Variants in DCC observed in about 807,000 individuals in gnomAD.
DCC encodes netrin receptor DCC.
Under a neutral mutation model 172.5 loss-of-function variants are expected in DCC, and 58 were observed. The observed-to-expected ratio is 0.34, with a 90% CI of 0.27 to 0.42. DCC has a LOEUF of 0.42. Ranked by LOEUF, DCC falls within the 10% of genes least tolerant of loss-of-function variation. The pLI, the probability that DCC is intolerant of heterozygous loss-of-function variation, is 1.00. For synonymous variants in DCC, 709 were observed against 644.5 expected, an observed-to-expected ratio of 1.10 and a Z score of -1.52; for missense variants, 1,740 against 1,791.0, an observed-to-expected ratio of 0.97 and a Z score of 0.51.
intron 1 of DCC, among the ~76,000 whole-genome samples, chr18:52,458,661 G>A (rs549058517): frequency 8.5e-5 from 13 of 152,164 alleles, no homozygotes; most frequent in East Asian, 3.9e-4. Flanking sequence ...TAAAGAATAC[G>A]TGCTTCAATG....
intron 2 of DCC, among the ~76,000 whole-genome samples, chr18:52,890,387 A>T (rs1459374684): frequency 6.6e-6 from 1 of 152,238 alleles, no homozygotes; most frequent in Admixed American, 6.5e-5. Context: ...ACTAGTGGGG[A>T]TAGAACATAT....
chr18:52,772,555 T>C (rs1466222015), intron 2 of DCC, among the ~76,000 whole-genome samples: 1 of 152,120 alleles, frequency 6.6e-6, no homozygotes, highest in African/African-American at 2.4e-5. Context: ...AATAATACTG[T>C]GCAACAAAGG....
chr18:53,155,527 C>T (rs564472607), intron 7 of DCC, among the ~76,000 whole-genome samples: 1 of 152,298 alleles, frequency 6.6e-6, no homozygotes, highest in South Asian at 2.1e-4. Flanking sequence ...TATACATGCA[C>T]ATATGTAATA....
intron 2 of DCC, among the ~76,000 whole-genome samples, chr18:52,771,055 GCTTTT>G (rs1169243078): frequency 5.3e-5 from 8 of 152,076 alleles, no homozygotes; most frequent in Non-Finnish European, 1.0e-4. Context: ...GAAATAATCC[GCTTTT>G]CTTTTCAGAA....
chr18:53,478,507 T>C (rs929888828), intron 25 of DCC, among the ~76,000 whole-genome samples: 4 of 152,102 alleles, frequency 2.6e-5, no homozygotes, highest in Non-Finnish European at 4.4e-5. Flanking sequence ...TTGGGCAGTA[T>C]CTTGAATTTT....
At chr18:52,618,820 A>G (rs2144855398) in intron 1 of DCC, among the ~76,000 whole-genome samples, 1 of 152,358 alleles carries the variant, frequency 6.6e-6, no homozygotes, top group South Asian at 2.1e-4. Flanking sequence ...CTTTGGGTCA[A>G]CAAATTTCTT....
intron 25 of DCC, among the ~76,000 whole-genome samples, chr18:53,486,094 A>C (rs2045896491): frequency 1.3e-5 from 2 of 152,080 alleles, no homozygotes; most frequent in Admixed American, 1.3e-4. Flanking sequence ...TATATATTAT[A>C]ATTGAATAGC....
chr18:52,428,948 G>A (rs1243356049), intron 1 of DCC, among the ~76,000 whole-genome samples: 1 of 151,960 alleles, frequency 6.6e-6, no homozygotes, highest in Non-Finnish European at 1.5e-5. Context: ...AACTTCTCAT[G>A]TTGCAGAACA....
In DCC at chr18:52,555,375, A is replaced by G. The variant is rs887603641; in HGVS notation, c.92-196679A>G. On this transcript the variant is annotated intron_variant, in intron 1 of 28. Transcript: ENST00000442544. ...ATGTTGAGTTCTAATTCAATTTGCTATGTATTAATGATTTGAAGAATGAAT... is the reference window on the plus strand; with the variant it reads ...ATGTTGAGTTCTAATTCAATTTGCTGTGTATTAATGATTTGAAGAATGAAT... Among the ~76,000 whole-genome samples, 8 of 152,276 alleles carry G rather than the reference A, an allele frequency of 5.3e-5. No individual in the cohort carries two copies. In the South Asian group the frequency reaches 1.2e-3, roughly 24 times the overall value.
At chr18:52,723,735 G>T (rs1483181344) in intron 1 of DCC, among the ~76,000 whole-genome samples, 4 of 152,132 alleles carry the variant, frequency 2.6e-5, no homozygotes, top group Non-Finnish European at 5.9e-5. Flanking sequence ...GTAGACTAAT[G>T]CAAGGAAGTC....
intron 12 of DCC, among the ~76,000 whole-genome samples, chr18:53,277,932 C>T (rs901799313): frequency 6.6e-6 from 1 of 152,070 alleles, no homozygotes; most frequent in African/African-American, 2.4e-5. Context: ...TGGGTCTTGG[C>T]TGAAATGATT....
chr18:52,712,789 T>C (rs534479681), intron 1 of DCC, among the ~76,000 whole-genome samples: 2 of 152,322 alleles, frequency 1.3e-5, no homozygotes, highest in South Asian at 4.1e-4. Flanking sequence ...GCCTCAAACC[T>C]GGAAGCAAAT....
chr18:52,506,889 T>A (rs1343809154), intron 1 of DCC, among the ~76,000 whole-genome samples: 2 of 152,156 alleles, frequency 1.3e-5, no homozygotes, highest in Non-Finnish European at 2.9e-5. Context: ...TTACGGATAT[T>A]GTGTATCATT....
At chr18:52,962,023 A>T (rs2040850551) in intron 5 of DCC, among the ~76,000 whole-genome samples, 1 of 152,186 alleles carries the variant, frequency 6.6e-6, no homozygotes, top group Admixed American at 6.5e-5. Context: ...AACCCTAGGC[A>T]ATACCATTCA....
In DCC at chr18:52,561,594, G is replaced by T. The variant is rs140204061; in HGVS notation, c.92-190460G>T. On this transcript the variant is annotated intron_variant, in intron 1 of 28. Transcript: ENST00000442544. ...GAAAAAGCGAATGTGGAAACACTAA[G>T]TGAATGAAACTTTATTTTTTGAGCT... 4.6e-5 allele frequency among the ~76,000 whole-genome samples: 7 copies of T among 152,212 alleles called. No homozygotes were observed. The East Asian group carries it at 1.4e-3, about 29-fold the overall frequency.
chr18:52,765,788 C>G (rs2037240262), intron 2 of DCC, among the ~76,000 whole-genome samples: 1 of 152,170 alleles, frequency 6.6e-6, no homozygotes, highest in Admixed American at 6.5e-5. Flanking sequence ...GGCTTCAGAG[C>G]TAGTCAGCCT....
At chr18:53,164,063 A>G (rs551701032) in intron 8 of DCC, among the ~76,000 whole-genome samples, 16 of 152,206 alleles carry the variant, frequency 1.1e-4, no homozygotes, top group African/African-American at 2.9e-4. Context: ...GGCACTCTCA[A>G]TCCCTTTTTC....
At chr18:52,702,376 C>T (rs2036140405) in intron 1 of DCC, among the ~76,000 whole-genome samples, 1 of 152,084 alleles carries the variant, frequency 6.6e-6, no homozygotes, top group Admixed American at 6.6e-5. Flanking sequence ...TTGAAAGCCA[C>T]CCCAAAACTA....
Position 53,397,491 on chromosome 18 carries a change from C to T in DCC, c.2827+45C>T, listed in dbSNP as rs754284035. On this transcript the variant is annotated intron_variant, in intron 18 of 28. Coordinates refer to ENST00000442544, the MANE Select transcript of DCC (RefSeq NM_005215.4). ...CTTTGGACCCTTGATAATGGTGTTT[C>T]CCAGGTTCTGTGGAAATTAGAACAT... The T allele has an allele frequency of 3.1e-6, 5 of 1,610,160 alleles. No homozygotes were observed. In the South Asian group the frequency reaches 5.5e-5, roughly 18 times the overall value.
Sources: allele counts gnomAD v4.1 joint callset (sites outside exome capture counted in the v4.1 genomes callset), GRCh38; gene constraint gnomAD v4.1.1; transcripts MANE v1.5; gene names NCBI Gene and HGNC (gene_info 2026-07-23, HGNC 2026-07-21).